Variants in DPH7 observed in about 807,000 individuals in gnomAD.
DPH7 encodes the protein diphthamide biosynthesis 7.
Under a neutral mutation model 41.7 loss-of-function variants are expected in DPH7, and 44 were observed. The observed-to-expected ratio is 1.05, with a 90% CI of 0.83 to 1.36. The LOEUF (loss-of-function observed/expected upper bound fraction) is 1.36, where lower values mean the gene tolerates loss of function less well. Ranked by LOEUF, DPH7 falls within the 40% of genes most tolerant of loss-of-function variation. The probability of loss-of-function intolerance (pLI) is 0.00; values close to 1 mark genes in which losing one functional copy is unlikely to be tolerated. For synonymous variants in DPH7, 275 were observed against 238.0 expected, an observed-to-expected ratio of 1.16 and a Z score of -1.43; for missense variants, 629 against 577.5, an observed-to-expected ratio of 1.09 and a Z score of -0.91.
At chr9:137,571,474 C>T (rs556629017) in intron 5 of DPH7, among the ~76,000 whole-genome samples, 5 of 152,184 alleles carry the variant, frequency 3.3e-5, no homozygotes, top group Admixed American at 2.0e-4. Flanking sequence ...TGTGAGCCAC[C>T]GCGCCTGGCC....
At chr9:137,575,482 T>G (rs1173732475) in intron 3 of DPH7, 1 of 988,954 alleles carries the variant, frequency 1.0e-6, no homozygotes, top group Non-Finnish European at 1.2e-6. Context: ...ACAGGGCAAC[T>G]GCTCTAAGCT....
rs1564428600 is a variant in DPH7, at chr9:137,564,568, A to G, written c.815T>C (p.Met272Thr). Reference sequence around the variant, plus strand: ...AGGCGTATCTGCCAACGGCTGCTTCATGTTTCGTGTGTCCCACAGTAGGAT... The same window carrying G: ...AGGCGTATCTGCCAACGGCTGCTTCGTGTTTCGTGTGTCCCACAGTAGGAT... Reference protein sequence around the residue: ...EHILLWDTRNMKQPLADTPVQ... With the variant: ...EHILLWDTRNTKQPLADTPVQ... Residue 272 changes from methionine (M) to threonine (T), a missense_variant, in exon 8 of 9, where the codon ATG becomes ACG. Transcript: ENST00000277540. 1 of 1,613,840 alleles carries G rather than the reference A, an allele frequency of 6.2e-7. No individual in the cohort carries two copies. The highest frequency in any genetic ancestry group is 8.5e-7 in the Non-Finnish European group (1 of 1,179,790).
At chr9:137,557,403 G>A (rs1372861867) in intron 8 of DPH7, among the ~76,000 whole-genome samples, 1 of 152,172 alleles carries the variant, frequency 6.6e-6, no homozygotes, top group African/African-American at 2.4e-5. Flanking sequence ...CTACTCGGGA[G>A]GCTGAGGCAG....
Position 137,576,108 on chromosome 9 carries a change from A to T in DPH7, c.347T>A (p.Ile116Lys). The change falls in exon 3 of 9, where the codon ATA becomes AAA. Residue 116 changes from isoleucine to lysine, a missense_variant. By Grantham distance (102) the Ile-to-Lys change is moderately radical. Transcript: ENST00000277540. ...AGATTCCACCAGGCGGAGCAGTTGT[A>T]TGGATCCACTGGCATCTGCCAAGCC... is the stretch of plus-strand genomic sequence containing the variant. Reference protein sequence around the residue: ...LLGLADASGSIQLLRLVESEK... With the variant: ...LLGLADASGSKQLLRLVESEK... 1 of 1,613,930 alleles carries T rather than the reference A, an allele frequency of 6.2e-7. No individual in the cohort carries two copies. The highest frequency in any genetic ancestry group is 8.5e-7 in the Non-Finnish European group (1 of 1,180,030).
intron 8 of DPH7, among the ~76,000 whole-genome samples, chr9:137,563,714 G>A (rs1839038846): frequency 6.6e-6 from 1 of 152,022 alleles, no homozygotes; most frequent in Non-Finnish European, 1.5e-5. Flanking sequence ...AAGATGAGGT[G>A]GTTTTGTGAT....
intron 5 of DPH7, 140 bp from the exon 6 acceptor site, chr9:137,565,294 A>G (rs1839447511): frequency 2.0e-6 from 1 of 508,892 alleles, no homozygotes; most frequent in Admixed American, 3.8e-5. Flanking sequence ...TCTGTGAGGA[A>G]GCTCCCCTGG....
In DPH7 at chr9:137,574,218, A is replaced by G; in HGVS notation, c.630T>C (p.Ile210=). The G allele has an allele frequency of 6.2e-7, 1 of 1,614,104 alleles. No homozygotes were observed. The highest frequency in any genetic ancestry group is 8.5e-7 in the Non-Finnish European group (1 of 1,180,024). The change falls in exon 5 of 9, where the codon ATT becomes ATC. Residue 210 remains isoleucine (I), a synonymous_variant. Coordinates refer to ENST00000277540, the MANE Select transcript of DPH7 (RefSeq NM_138778.5). ...IAAFNYWHPE[I]VYSGGDDGLL... is the part of the protein sequence containing the mutation. ...TGGAGGAATACTGACCTGAATACAC[A>G]ATTTCTGGATGCCAGTAATTGAAAG...
intron 4 of DPH7, 29 bp from the exon 5 acceptor site, chr9:137,574,409 C>T (rs768565320): frequency 2.1e-5 from 33 of 1,604,342 alleles, no homozygotes; most frequent in Admixed American, 5.1e-5. Flanking sequence ...TGAAGAAGCC[C>T]GGCAGAATGT....
Position 137,555,131 on chromosome 9 carries a change from C to T in DPH7, c.*108G>A, listed in dbSNP as rs551986715. ...CTACACTGTGGATTCCATCAGTGCA[C>T]AGGCACCTGCAGGGCTGCAGTAAGC... is the stretch of plus-strand genomic sequence containing the variant. On this transcript the variant is annotated 3_prime_UTR_variant, in exon 9 of 9. Transcript: ENST00000277540. The T allele has an allele frequency of 5.1e-6, 7 of 1,376,794 alleles. No individual in the cohort carries two copies. The African/African-American group carries it at 7.3e-5, about 14-fold the overall frequency. 85.3% of individuals were successfully genotyped at this position (1,376,794 alleles called of 1,614,324 possible). A position where few individuals can be genotyped will look rare whatever the true frequency, so the allele number is the denominator to read the frequency against.
rs988655704 is a variant in DPH7 at position 137,556,357 on chromosome 9, CA to C, written c.950-710del. Among the ~76,000 whole-genome samples the C allele has an allele frequency of 1.3e-5, 2 of 152,160 alleles. No individual in the cohort carries two copies. The highest frequency in any genetic ancestry group is 4.8e-5 in the African/African-American group (2 of 41,426). On this transcript the variant is annotated intron_variant, in intron 8 of 8. Coordinates refer to ENST00000277540, the MANE Select transcript of DPH7 (RefSeq NM_138778.5). This position sits in a 1 kb window ranked among gnomAD's most constrained non-coding sequence, Gnocchi z 5.2. ...GGCTGGCAGGGGCAGTTGCAGAGAG[CA>C]AGTGGAAGGTGAGCCAGGGGCTGCA...
intron 5 of DPH7, among the ~76,000 whole-genome samples, chr9:137,572,154 G>C (rs1431703727): frequency 2.6e-5 from 4 of 152,206 alleles, no homozygotes; most frequent in Admixed American, 6.5e-5. Flanking sequence ...GGGGTGGAAG[G>C]ACAGCTGCTC....
At chr9:137,561,429 A>T (rs1244624934) in intron 8 of DPH7, among the ~76,000 whole-genome samples, 1 of 150,972 alleles carries the variant, frequency 6.6e-6, no homozygotes. Context: ...ATTCCCAGCT[A>T]CTCGGGAGGC....
chr9:137,565,137 G>T lies in DPH7; in HGVS notation c.658C>A (p.Leu220Met). The change falls in exon 6 of 9, where the codon CTG becomes ATG. Residue 220 changes from leucine (L) to methionine (M), a missense_variant. Transcript: ENST00000277540. The stretch of plus-strand genomic sequence containing the variant: ...GGTACCCTGGTGTCCCAGCCCCTCA[G>T]AAGGCCATCGTCGCCCCCTGTGTGG... ...IVYSGGDDGLLRGWDTRVPGK... is the reference protein window; with the variant it reads ...IVYSGGDDGLMRGWDTRVPGK... 1 of 1,614,032 alleles carries T rather than the reference G, an allele frequency of 6.2e-7. No individual in the cohort carries two copies. The highest frequency in any genetic ancestry group is 8.5e-7 in the Non-Finnish European group (1 of 1,180,022).
intron 3 of DPH7, 36 bp downstream of exon 3, chr9:137,576,044 C>T: frequency 6.2e-7 from 1 of 1,613,494 alleles, no homozygotes; most frequent in Non-Finnish European, 8.5e-7. Context: ...CTATTCAGGT[C>T]CCTTCTGCCC....
intron 5 of DPH7, among the ~76,000 whole-genome samples, chr9:137,573,456 A>C (rs1255855478): frequency 6.7e-6 from 1 of 148,218 alleles, no homozygotes; most frequent in African/African-American, 2.5e-5. Context: ...AGGCGGGAGG[A>C]TCACGAGGTC....
chr9:137,572,384 ATCC>A (rs1840590467), intron 5 of DPH7, among the ~76,000 whole-genome samples: 1 of 152,192 alleles, frequency 6.6e-6, no homozygotes, highest in Non-Finnish European at 1.5e-5. Flanking sequence ...TTTGGATTTT[ATCC>A]TCAATGAAAC....
rs1841869427 is a variant in DPH7, at chr9:137,578,620, CG to C, written c.153+4del. Reference sequence around the variant, plus strand: ...CCTCCCCTCCCGAAGCCGCGGCGCGCGCACCTTGTTCTGGGGGCCGGCAGGC... The same window carrying C: ...CCTCCCCTCCCGAAGCCGCGGCGCGCCACCTTGTTCTGGGGGCCGGCAGGC... On this transcript the variant is annotated splice_donor_region_variant and intron_variant, in intron 1 of 8. Transcript: ENST00000277540. 6.7e-7 allele frequency: 1 copy of C among 1,485,736 alleles called. No individual in the cohort carries two copies. Among genetic ancestry groups the C allele is most frequent in the African/African-American group, 1.5e-5 (1 of 68,274 alleles). The allele number at this position is 1,485,736 out of a possible 1,614,324, so 92.0% of individuals were successfully genotyped here.
At chr9:137,561,926 G>A (rs1416210585) in intron 8 of DPH7, among the ~76,000 whole-genome samples, 3 of 152,086 alleles carry the variant, frequency 2.0e-5, no homozygotes, top group Non-Finnish European at 4.4e-5. Context: ...GTGCAGTGGC[G>A]CGATCTCGGC....
chr9:137,557,691 T>C (rs779050470), intron 8 of DPH7, among the ~76,000 whole-genome samples: 1 of 151,180 alleles, frequency 6.6e-6, no homozygotes, highest in Non-Finnish European at 1.5e-5. Flanking sequence ...TGATGGCGCA[T>C]GCCTGTAGTC....
Sources: gnomAD v4.1 joint callset for allele counts (sites outside exome capture counted in the v4.1 genomes callset) on GRCh38, gnomAD v4.1.1 for gene constraint, Gnocchi (gnomAD v3.1) non-coding constraint, MANE v1.5 for transcripts, NCBI Gene and HGNC (gene_info 2026-07-23, HGNC 2026-07-21) for gene names.